The following PCDH7 variants were observed in gnomAD, a reference collection of about 807,000 sequenced individuals.
The protein encoded by PCDH7 is protocadherin-7.
PCDH7 carries 17 observed loss-of-function variants against 58.9 expected under a neutral mutation model. The ratio of observed to expected loss-of-function variants is 0.29; its 90% CI spans 0.20 to 0.43. The LOEUF (loss-of-function observed/expected upper bound fraction) is 0.43. PCDH7 is among the 20% of genes least tolerant of loss of function. The pLI is 1.00. For synonymous variants in PCDH7, 664 were observed against 616.4 expected, an observed-to-expected ratio of 1.08 and a Z score of -1.14; for missense variants, 1,274 against 1,441.0, an observed-to-expected ratio of 0.88 and a Z score of 1.88.
At chr4:30,839,712 A>G (rs1041146737) in intron 1 of PCDH7, among the ~76,000 whole-genome samples, 1 of 152,134 alleles carries the variant, frequency 6.6e-6, no homozygotes, top group Non-Finnish European at 1.5e-5. Context: ...AGCAAAAGTA[A>G]TAAAATCAAA....
chr4:31,114,500 T>C (rs1336904960), intron 3 of PCDH7, among the ~76,000 whole-genome samples: 1 of 152,150 alleles, frequency 6.6e-6, no homozygotes, highest in Non-Finnish European at 1.5e-5. Flanking sequence ...TTCAAAATAC[T>C]TTTGGTAATA....
chr4:30,889,137 CAAAAAA>C (rs371917620), intron 1 of PCDH7, among the ~76,000 whole-genome samples: 1 of 49,986 alleles, frequency 2.0e-5, no homozygotes, highest in Non-Finnish European at 3.9e-5. Flanking sequence ...GCAGATATCT[CAAAAAA>C]AAAAAAAAAA....
intron 1 of PCDH7, among the ~76,000 whole-genome samples, chr4:30,763,746 G>C (rs1720342873): frequency 6.6e-6 from 1 of 152,156 alleles, no homozygotes; most frequent in Non-Finnish European, 1.5e-5. Flanking sequence ...AGAGAAAAAG[G>C]AAGATTACAC....
intron 3 of PCDH7, among the ~76,000 whole-genome samples, chr4:31,078,279 TTCTCTC>T (rs900182032): frequency 6.6e-6 from 1 of 150,682 alleles, no homozygotes; most frequent in South Asian, 2.1e-4. Flanking sequence ...ATAAAACCAA[TTCTCTC>T]TCTCTCTCTC....
rs569160502 is a variant in PCDH7, at chr4:30,965,819, G to T, written c.*7+15604G>T. On this transcript the variant is annotated intron_variant, in intron 3 of 3. Coordinates refer to the PCDH7 transcript ENST00000509759. ...GTTTTATAGTATTTCAAGCAGAAAA[G>T]GTTTAAAATATTATTTTTTTAAAAA... 1.5e-4 allele frequency among the ~76,000 whole-genome samples: 23 copies of T among 151,996 alleles called. No individual in the cohort carries two copies. The East Asian group carries it at 4.1e-3, about 27-fold the overall frequency.
intron 1 of PCDH7, among the ~76,000 whole-genome samples, chr4:30,818,973 G>T (rs927691322): frequency 4.6e-5 from 7 of 152,094 alleles, no homozygotes; most frequent in Admixed American, 6.6e-5. Context: ...TAACCATTTT[G>T]AGTTTCCATA....
chr4:31,131,958 C>T (rs1487907380), intron 3 of PCDH7, among the ~76,000 whole-genome samples: 2 of 152,038 alleles, frequency 1.3e-5, no homozygotes, highest in African/African-American at 4.8e-5. Flanking sequence ...AAAAAGTAAT[C>T]ACCTTTCAAT....
At chr4:30,984,349 G>A (rs1349454508) in intron 3 of PCDH7, among the ~76,000 whole-genome samples, 2 of 152,164 alleles carry the variant, frequency 1.3e-5, no homozygotes, top group African/African-American at 4.8e-5. Context: ...CAGAGTGTTT[G>A]TTCGACGCTT....
chr4:30,861,203 ACGATTC>A (rs1470332890), intron 1 of PCDH7, among the ~76,000 whole-genome samples: 1 of 152,174 alleles, frequency 6.6e-6, no homozygotes, highest in Admixed American at 6.5e-5. Context: ...GATGCCTCCA[ACGATTC>A]AACATCAGCA....
intron 1 of PCDH7, among the ~76,000 whole-genome samples, chr4:30,746,925 AAATAT>A (rs1165106540): frequency 6.6e-6 from 1 of 152,198 alleles, no homozygotes; most frequent in Non-Finnish European, 1.5e-5. Flanking sequence ...GAGGATTTCG[AAATAT>A]AGGTCATTTG....
chr4:31,091,472 A>G lies in PCDH7; in HGVS notation c.*8-51001A>G, dbSNP rs144086590. ...AATTCCTTCCTGTGATATTAATAAA[A>G]TGAAAACAGATTAATGTGGAAAATT... On this transcript the variant is annotated intron_variant, in intron 3 of 3. Coordinates refer to the PCDH7 transcript ENST00000509759. Among the ~76,000 whole-genome samples, 1,387 of 152,018 alleles carry G rather than the reference A, an allele frequency of 9.1e-3. 15 individuals carry two copies. Among genetic ancestry groups the G allele is most frequent in the South Asian group, 0.052 (250 of 4,820 alleles).
chr4:31,111,936 T>G (rs1023337668), intron 3 of PCDH7, among the ~76,000 whole-genome samples: 1 of 152,184 alleles, frequency 6.6e-6, no homozygotes, highest in Non-Finnish European at 1.5e-5. Flanking sequence ...GCAAGCTACT[T>G]AATGATTTTG....
chr4:31,115,145 A>G (rs1716840143), intron 3 of PCDH7, among the ~76,000 whole-genome samples: 1 of 152,216 alleles, frequency 6.6e-6, no homozygotes, highest in Non-Finnish European at 1.5e-5. Context: ...ACAGTATAAT[A>G]CAGTACAAAA....
chr4:30,723,234 G>T lies in PCDH7; in HGVS notation c.1812G>T (p.Arg604Ser), dbSNP rs141363155. 1.2e-6 allele frequency: 2 copies of T among 1,614,210 alleles called. No homozygotes were observed. The highest frequency in any genetic ancestry group is 1.7e-6 in the Non-Finnish European group (2 of 1,180,048). The change falls in exon 1 of 2, where the codon AGG (arginine) becomes AGT (serine). Residue 604 changes from arginine to serine, a missense_variant. By Grantham distance (110) the Arg-to-Ser change is moderately radical. This residue lies in a region of PCDH7 where 731 missense variants were observed against 881.9 expected (regional missense o/e 0.83). Transcript: ENST00000361762. The surrounding 1 kb of genome is among the most constrained non-coding windows in gnomAD (Gnocchi z 4.6). ...TGCTGGACCGCGAGCAGACTGACAGGTATGAGTTTAAAGTTAACGCCAAAG... is the reference window on the plus strand; with the variant it reads ...TGCTGGACCGCGAGCAGACTGACAGTTATGAGTTTAAAGTTAACGCCAAAG...
intron 3 of PCDH7, among the ~76,000 whole-genome samples, chr4:31,111,521 GC>G (rs1450338667): frequency 6.6e-6 from 1 of 152,022 alleles, no homozygotes; most frequent in African/African-American, 2.4e-5. Context: ...TGTTGGCCAG[GC>G]TGGTCTCAAA....
chr4:30,930,306 G>A (rs1008754011), intron 2 of PCDH7, among the ~76,000 whole-genome samples: 1 of 152,148 alleles, frequency 6.6e-6, no homozygotes, highest in East Asian at 1.9e-4. Flanking sequence ...AAAAAGTGGT[G>A]CCATTTGCCA....
At chr4:31,005,833 G>A (rs1026081505) in intron 3 of PCDH7, among the ~76,000 whole-genome samples, 1 of 152,098 alleles carries the variant, frequency 6.6e-6, no homozygotes, top group African/African-American at 2.4e-5. Context: ...CCGTTTTATA[G>A]CCCACTTCTA....
Position 30,724,152 on chromosome 4 carries a change from TG to T in PCDH7, c.2732del (p.Gly911AlafsTer216). Reference sequence around the variant, plus strand: ...GGTACTGCAGGTCCAAAAATAAAAATGGCTATGAAGCCGGCAAAAAAGATCA... The same window carrying T: ...GGTACTGCAGGTCCAAAAATAAAAATGCTATGAAGCCGGCAAAAAAGATCA... On this transcript the variant is annotated frameshift_variant, in exon 1 of 2. Coordinates refer to ENST00000361762, the Ensembl canonical transcript of PCDH7. LOFTEE classifies it high-confidence loss of function. 1 of 1,613,908 alleles carries T rather than the reference TG, an allele frequency of 6.2e-7. No homozygotes were observed. The highest frequency in any genetic ancestry group is 2.2e-5 in the East Asian group (1 of 44,874).
At chr4:30,748,382 TG>T (rs1718045984) in intron 1 of PCDH7, among the ~76,000 whole-genome samples, 1 of 152,162 alleles carries the variant, frequency 6.6e-6, no homozygotes, top group African/African-American at 2.4e-5. Flanking sequence ...AAGATTTATT[TG>T]GCTCACAGTT....
Sources: allele counts gnomAD v4.1 joint callset (sites outside exome capture counted in the v4.1 genomes callset), GRCh38; gene constraint gnomAD v4.1.1; regional missense constraint gnomAD v4.1.1; non-coding constraint Gnocchi (gnomAD v3.1); transcripts MANE v1.5; gene names NCBI Gene and HGNC (gene_info 2026-07-23, HGNC 2026-07-21).